PTPRZ1: variants seen among roughly 807,000 people sequenced by gnomAD.
PTPRZ1 encodes the protein protein tyrosine phosphatase receptor type Z1, also known as receptor-type tyrosine-protein phosphatase zeta.
A neutral mutation model predicts 214.1 loss-of-function variants in PTPRZ1; 82 were observed. The observed-to-expected ratio is 0.38, with a 90% CI of 0.32 to 0.46. PTPRZ1 has a LOEUF of 0.46. Among genes scored for constraint, PTPRZ1 ranks in the 20% least tolerant of loss-of-function variants. The probability of loss-of-function intolerance (pLI) is 1.00; values close to 1 mark genes in which losing one functional copy is unlikely to be tolerated. For synonymous variants in PTPRZ1, 945 were observed against 987.9 expected, an observed-to-expected ratio of 0.96 and a Z score of 0.81; for missense variants, 2,603 against 2,748.7, an observed-to-expected ratio of 0.95 and a Z score of 1.19.
chr7:121,939,037 C>T (rs1796169374), intron 2 of PTPRZ1, among the ~76,000 whole-genome samples: 1 of 152,192 alleles, frequency 6.6e-6, no homozygotes, highest in Non-Finnish European at 1.5e-5. Flanking sequence ...GAGACTCACA[C>T]ATAGTAGGAG....
intron 8 of PTPRZ1, among the ~76,000 whole-genome samples, chr7:121,993,396 C>A (rs1408499919): frequency 6.6e-6 from 1 of 151,132 alleles, no homozygotes; most frequent in African/African-American, 2.4e-5. Context: ...CACAGTGAAA[C>A]CTCATCTCTA....
At chr7:121,935,645 G>A (rs1796065394) in intron 2 of PTPRZ1, among the ~76,000 whole-genome samples, 1 of 152,040 alleles carries the variant, frequency 6.6e-6, no homozygotes, top group Admixed American at 6.6e-5. Context: ...GCTTGCTGCT[G>A]CAATCTCCGC....
At chr7:121,956,336 G>A (rs1456602425) in intron 2 of PTPRZ1, among the ~76,000 whole-genome samples, 2 of 152,108 alleles carry the variant, frequency 1.3e-5, no homozygotes, top group South Asian at 2.1e-4. Context: ...GACATGGGCA[G>A]ACAATTATTA....
rs770563760 is a variant in PTPRZ1 at position 121,967,989 on chromosome 7, A to C, written c.163A>C (p.Thr55Pro). ...NQKNWGKKYP[T>P]CNSPKQSPIN... The stretch of plus-strand genomic sequence containing the variant: ...AAAAAATTGGGGAAAGAAATATCCA[A>C]CATGTAATAGCCCAAAACAATCTCC... The change falls in exon 3 of 30, where the codon ACA (threonine) becomes CCA (proline). Residue 55 changes from threonine (T) to proline (P), a missense_variant. Thr to Pro is a conservative substitution (Grantham distance 38). This residue lies in a region of PTPRZ1 where 141 missense variants were observed against 143.7 expected (regional missense o/e 0.98). Coordinates refer to ENST00000393386, the MANE Select transcript of PTPRZ1 (RefSeq NM_002851.3). 4 of 1,592,822 alleles carry C rather than the reference A, an allele frequency of 2.5e-6. No individual in the cohort carries two copies. In the Admixed American group the frequency reaches 6.8e-5, roughly 27 times the overall value.
intron 1 of PTPRZ1, among the ~76,000 whole-genome samples, chr7:121,918,231 G>T (rs1795484247): frequency 1.3e-5 from 2 of 152,282 alleles, no homozygotes; most frequent in African/African-American, 4.8e-5. Flanking sequence ...CTGCCAGATT[G>T]TCCTGCTTAA....
intron 17 of PTPRZ1, among the ~76,000 whole-genome samples, chr7:122,034,681 A>T (rs1363283918): frequency 2.6e-5 from 4 of 152,056 alleles, no homozygotes; most frequent in Non-Finnish European, 4.4e-5. Flanking sequence ...GTCATTATTT[A>T]TATGACTTGG....
intron 2 of PTPRZ1, among the ~76,000 whole-genome samples, chr7:121,955,637 A>T (rs1796683264): frequency 6.6e-6 from 1 of 152,224 alleles, no homozygotes; most frequent in South Asian, 2.1e-4. Context: ...AAGTCCTGTA[A>T]TTAATCAACC....
chr7:121,950,987 T>C (rs554524201), intron 2 of PTPRZ1, among the ~76,000 whole-genome samples: 1 of 152,328 alleles, frequency 6.6e-6, no homozygotes, highest in South Asian at 2.1e-4. Context: ...GACTAAGTCA[T>C]AAAATATAAT....
chr7:121,943,091 A>G (rs988320460), intron 2 of PTPRZ1, among the ~76,000 whole-genome samples: 1 of 152,208 alleles, frequency 6.6e-6, no homozygotes, highest in African/African-American at 2.4e-5. Flanking sequence ...GTTGTATACT[A>G]TCTATGCATG....
At position 122,012,250 on chromosome 7, in the gene PTPRZ1, C is replaced by T. The variant is rs1798692479; in HGVS notation, c.3204C>T (p.Ser1068=). 2.5e-6 allele frequency: 4 copies of T among 1,614,062 alleles called. No homozygotes were observed. The East Asian group carries it at 8.9e-5, about 36-fold the overall frequency. ...SFNEMVYPSE[S]TVMPNMYDNV... ...ATGAGATGGTTTACCCTTCTGAAAG[C>T]ACAGTCATGCCCAACATGTATGATA... Residue 1068 remains serine, a synonymous_variant, in exon 12 of 30, where the codon AGC becomes AGT. Coordinates refer to ENST00000393386, the MANE Select transcript of PTPRZ1 (RefSeq NM_002851.3).
At chr7:122,044,091 G>A (rs1050136678) in intron 22 of PTPRZ1, among the ~76,000 whole-genome samples, 1 of 152,108 alleles carries the variant, frequency 6.6e-6, no homozygotes, top group African/African-American at 2.4e-5. Flanking sequence ...AGTCAAGAAA[G>A]CCCTCTCATG....
chr7:121,961,438 GTCCA>G (rs1461673178), intron 2 of PTPRZ1, among the ~76,000 whole-genome samples: 1 of 152,180 alleles, frequency 6.6e-6, no homozygotes, highest in Non-Finnish European at 1.5e-5. Flanking sequence ...TCATAATTCT[GTCCA>G]TCCTTCAAGG....
intron 2 of PTPRZ1, among the ~76,000 whole-genome samples, chr7:121,949,406 T>C (rs988536839): frequency 5.3e-5 from 8 of 152,168 alleles, no homozygotes; most frequent in Non-Finnish European, 1.0e-4. Flanking sequence ...CACGCACATA[T>C]GAATTACTGT....
At chr7:122,009,169 C>T (rs1196475) in intron 11 of PTPRZ1, among the ~76,000 whole-genome samples, 65,794 of 151,778 alleles carry the variant, frequency 0.43, 14,632 homozygotes, top group South Asian at 0.53. Flanking sequence ...AAGATACTCA[C>T]GACCAGCCAA....
At position 122,011,805 on chromosome 7, in the gene PTPRZ1, G is replaced by A. The variant is rs758756660; in HGVS notation, c.2759G>A (p.Arg920His). ...PPSSDAMMHARSSGPEPSYAL... is the reference protein window; with the variant it reads ...PPSSDAMMHAHSSGPEPSYAL... The stretch of plus-strand genomic sequence containing the variant: ...AGCAGTGATGCCATGATGCATGCAC[G>A]TTCTTCAGGGCCTGAACCTTCTTAT... The change falls in exon 12 of 30, where the codon CGT becomes CAT. Residue 920 changes from arginine to histidine, a missense_variant. By Grantham distance (29) the Arg-to-His change is conservative. This residue lies in a region of PTPRZ1 where 1,913 missense variants were observed against 1,914.3 expected (regional missense o/e 1.00). Transcript: ENST00000393386. 3.8e-5 allele frequency: 62 copies of A among 1,613,926 alleles called. No individual in the cohort carries two copies. Among genetic ancestry groups the A allele is most frequent in the Non-Finnish European group, 4.7e-5 (55 of 1,179,922 alleles).
intron 8 of PTPRZ1, among the ~76,000 whole-genome samples, chr7:121,990,894 G>A (rs1234228872): frequency 1.3e-5 from 2 of 152,166 alleles, no homozygotes; most frequent in Non-Finnish European, 2.9e-5. Context: ...CATAGCAAAA[G>A]TATGAAGTAG....
intron 1 of PTPRZ1, among the ~76,000 whole-genome samples, chr7:121,906,191 C>G (rs975467824): frequency 1.3e-5 from 2 of 152,070 alleles, no homozygotes; most frequent in African/African-American, 4.8e-5. Flanking sequence ...TTAAAGGAAG[C>G]AATTATTCCA....
intron 1 of PTPRZ1, among the ~76,000 whole-genome samples, chr7:121,912,248 T>C (rs181120980): frequency 7.2e-5 from 11 of 152,334 alleles, no homozygotes; most frequent in African/African-American, 2.6e-4. Flanking sequence ...TCATTATCAA[T>C]ATAGTGTCCC....
rs767899317 is a variant in PTPRZ1 at position 121,977,709 on chromosome 7, A to AT, written c.619+874dup. On this transcript the variant is annotated intron_variant, in intron 6 of 29. Transcript: ENST00000393386. ...TGTGAACTCCTGCAGGGTAGCTTTT[A>AT]TTTTTTTTTTTTTTTTAGAGACACA... 9.3e-3 allele frequency among the ~76,000 whole-genome samples: 1,278 copies of AT among 137,118 alleles called. 7 individuals are homozygous for AT. Among genetic ancestry groups the AT allele is most frequent in the African/African-American group, 0.022 (821 of 37,726 alleles). 90.0% of individuals were successfully genotyped at this position (137,118 alleles called of 152,430 possible). A position where few individuals can be genotyped will look rare whatever the true frequency, so the allele number is the denominator to read the frequency against.
Sources: allele counts gnomAD v4.1 joint callset (sites outside exome capture counted in the v4.1 genomes callset), GRCh38; gene constraint gnomAD v4.1.1; regional missense constraint gnomAD v4.1.1; transcripts MANE v1.5; gene names NCBI Gene and HGNC (gene_info 2026-07-23, HGNC 2026-07-21).